The following RUFY4 variants were observed in gnomAD, a reference collection of about 807,000 sequenced individuals.
RUFY4 encodes RUN and FYVE domain-containing protein 4.
Under a neutral mutation model 69.0 loss-of-function variants are expected in RUFY4, and 73 were observed. That is an observed-to-expected ratio of 1.06 (90% CI 0.88 to 1.29). The LOEUF (loss-of-function observed/expected upper bound fraction) is 1.29, where lower values mean the gene tolerates loss of function less well. Ranked by LOEUF, RUFY4 falls within the 50% of genes most tolerant of loss-of-function variation. RUFY4 has a pLI of 0.00. For missense variants in RUFY4, 770 were observed against 705.6 expected (o/e 1.09, Z -1.03); for synonymous variants, 287 against 271.8 (o/e 1.06, Z -0.55).
At chr2:218,067,958 G>C (rs1689382840), upstream of RUFY4, among the ~76,000 whole-genome samples, 1 of 152,344 alleles carries the variant, frequency 6.6e-6, no homozygotes, top group East Asian at 1.9e-4. Flanking sequence ...CAGGGACCTA[G>C]AGAGGAGTTA....
intron 6 of RUFY4, 41 bp downstream of exon 8, chr2:218,073,926 A>T (rs566916156): frequency 3.8e-6 from 6 of 1,594,616 alleles, no homozygotes; most frequent in Admixed American, 1.7e-5. Flanking sequence ...CCTCTTCCCC[A>T]TCTCCTTGGC....
chr2:218,062,400 CG>C (rs1357150137), intron 3 of RUFY4, among the ~76,000 whole-genome samples: 1 of 120,990 alleles, frequency 8.3e-6, no homozygotes, highest in Non-Finnish European at 1.6e-5. Context: ...AGCGAGACTC[CG>C]TCTCAAAAAA....
intron 7 of RUFY4, 106 bp from the exon 10 acceptor site, chr2:218,076,321 C>T: frequency 6.8e-7 from 1 of 1,461,350 alleles, no homozygotes; most frequent in Middle Eastern, 2.5e-4. Context: ...CCAGCCCTGC[C>T]AGGGCATGGC....
At chr2:218,087,684 C>A (rs1034824344) in intron 9 of RUFY4, among the ~76,000 whole-genome samples, 4 of 152,092 alleles carry the variant, frequency 2.6e-5, no homozygotes, top group Non-Finnish European at 5.9e-5. Flanking sequence ...CAAAAATTAG[C>A]CAGGCATGGT....
At chr2:218,078,626 A>G (rs1389184204) in intron 8 of RUFY4, among the ~76,000 whole-genome samples, 1 of 152,176 alleles carries the variant, frequency 6.6e-6, no homozygotes, top group Non-Finnish European at 1.5e-5. Flanking sequence ...TAATGTCAAA[A>G]AGATGTTTAC....
At chr2:218,036,305 T>G (rs186694756) in intron 2 of RUFY4, among the ~76,000 whole-genome samples, 3 of 152,270 alleles carry the variant, frequency 2.0e-5, no homozygotes, top group Non-Finnish European at 4.4e-5. Context: ...CTCTCTGGAC[T>G]TTACACAAAG....
intron 2 of RUFY4, among the ~76,000 whole-genome samples, chr2:218,038,006 TA>T: frequency 6.6e-6 from 1 of 152,328 alleles, no homozygotes; most frequent in Non-Finnish European, 1.5e-5. Flanking sequence ...TAAAAATTCA[TA>T]AAAAACATTA....
rs112623434 is a variant in RUFY4 at position 218,062,123 on chromosome 2, G to A, written c.-1071+3442G>A. Among the ~76,000 whole-genome samples the A allele has an allele frequency of 8.1e-3, 1,231 of 152,334 alleles. 21 individuals are homozygous for A. The highest frequency in any genetic ancestry group is 0.028 in the African/African-American group (1,155 of 41,578). On this transcript the variant is annotated intron_variant and NMD_transcript_variant, in intron 3 of 13. Coordinates refer to the RUFY4 transcript ENST00000457754. The stretch of plus-strand genomic sequence containing the variant: ...TATATTAAAAATGATAAGTGGGCCA[G>A]GCTCAGTGGCTCACGCCTGTAATCC...
intron 9 of RUFY4, among the ~76,000 whole-genome samples, chr2:218,083,713 A>G (rs552316837): frequency 7.2e-4 from 109 of 151,504 alleles, no homozygotes; most frequent in Non-Finnish European, 1.4e-3. Flanking sequence ...ACACCACTGC[A>G]CTCCAGCCTG....
intron 3 of RUFY4, 70 bp from the exon 6 acceptor site, chr2:218,072,709 C>T: frequency 7.4e-7 from 1 of 1,342,490 alleles, no homozygotes; most frequent in Non-Finnish European, 1.0e-6. Context: ...TTCCAGTCCC[C>T]TCTCTCTGTG....
At chr2:218,056,813 C>T (rs1183882018) in intron 2 of RUFY4, among the ~76,000 whole-genome samples, 1 of 152,104 alleles carries the variant, frequency 6.6e-6, no homozygotes, top group Non-Finnish European at 1.5e-5. Flanking sequence ...AGGCCAGGTG[C>T]GGTGGATCAC....
intron 2 of RUFY4, among the ~76,000 whole-genome samples, chr2:218,054,712 A>G (rs1272119822): frequency 1.3e-5 from 2 of 152,252 alleles, no homozygotes; most frequent in Admixed American, 6.5e-5. Flanking sequence ...TGATTTTTAT[A>G]TCATTTGAAA....
chr2:218,078,396 G>A (rs1198409181), intron 8 of RUFY4, among the ~76,000 whole-genome samples: 1 of 152,136 alleles, frequency 6.6e-6, no homozygotes, highest in Non-Finnish European at 1.5e-5. Flanking sequence ...CAAAAACAAA[G>A]GCCCTGATGG....
chr2:218,089,361 A>G (rs1282362046), exon 10 of RUFY4: 1 of 1,613,044 alleles, frequency 6.2e-7, no homozygotes, highest in Non-Finnish European at 8.5e-7. Flanking sequence ...GTATCCATGC[A>G]GGTAAAGGGA....
At chr2:218,079,629 T>C (rs1222352324) in intron 8 of RUFY4, among the ~76,000 whole-genome samples, 1 of 151,774 alleles carries the variant, frequency 6.6e-6, no homozygotes, top group East Asian at 1.9e-4. Flanking sequence ...GGATGGTGAG[T>C]AACAGCTGAC....
chr2:218,061,279 T>G, intron 3 of RUFY4: 1 of 325,970 alleles, frequency 3.1e-6, no homozygotes, highest in Non-Finnish European at 6.1e-6. Flanking sequence ...ACATAATTGA[T>G]TTCTAGGGAT....
intron 2 of RUFY4, among the ~76,000 whole-genome samples, chr2:218,054,670 A>C (rs1419368599): frequency 6.6e-6 from 1 of 152,172 alleles, no homozygotes; most frequent in African/African-American, 2.4e-5. Flanking sequence ...ATAAAAATTG[A>C]TTACATGAAA....
At chr2:218,079,278 G>T (rs1689706735) in intron 8 of RUFY4, among the ~76,000 whole-genome samples, 1 of 152,224 alleles carries the variant, frequency 6.6e-6, no homozygotes, top group African/African-American at 2.4e-5. Context: ...TGCTCAGACT[G>T]GGCTGGCAGC....
intron 2 of RUFY4, among the ~76,000 whole-genome samples, chr2:218,072,170 T>A (rs1393044941): frequency 3.3e-5 from 5 of 152,140 alleles, no homozygotes; most frequent in African/African-American, 1.2e-4. Flanking sequence ...GGCCTCTGAA[T>A]GAATGAATAA....
Sources: allele counts gnomAD v4.1 joint callset (sites outside exome capture counted in the v4.1 genomes callset), GRCh38; gene constraint gnomAD v4.1.1; transcripts MANE v1.5; gene names NCBI Gene and HGNC (gene_info 2026-07-23, HGNC 2026-07-21).